CARS2: variants seen among roughly 807,000 people sequenced by gnomAD.
CARS2 encodes cysteinyl-tRNA synthetase 2, mitochondrial.
Under a neutral mutation model 68.8 loss-of-function variants are expected in CARS2, and 52 were observed. The ratio of observed to expected loss-of-function variants is 0.76; its 90% CI spans 0.61 to 0.95. CARS2 has a LOEUF of 0.95. Ranked by LOEUF, CARS2 falls within the 40% of genes least tolerant of loss-of-function variation. CARS2 has a pLI of 0.00. For missense variants in CARS2, 780 were observed against 754.2 expected (o/e 1.03, Z -0.40); for synonymous variants, 314 against 303.6 (o/e 1.03, Z -0.36).
In CARS2 at chr13:110,667,731, C is replaced by G. The variant is rs9521885; in HGVS notation, c.786-258G>C. Among the ~76,000 whole-genome samples the G allele has an allele frequency of 0.55, 83,324 of 152,044 alleles. 23,657 individuals carry two copies. Among genetic ancestry groups the G allele is most frequent in the Non-Finnish European group, 0.64 (43,842 of 67,994 alleles). The stretch of plus-strand genomic sequence containing the variant: ...AGGTTCTTTTTTTCTCTTTTTCTTT[C>G]TTTCTTTTTCAACTCAAAAAATTAC... On this transcript the variant is annotated intron_variant, in intron 7 of 14. Coordinates refer to ENST00000257347, the MANE Select transcript of CARS2 (RefSeq NM_024537.4).
chr13:110,698,051 G>A (rs987430763), intron 3 of CARS2: 18 of 437,818 alleles, frequency 4.1e-5, no homozygotes, highest in Non-Finnish European at 7.2e-5. Flanking sequence ...GCCCAAAGGC[G>A]GCCTCTGACT....
At chr13:110,646,663 G>A (rs1166369208) in intron 11 of CARS2, 1 of 168,684 alleles carries the variant, frequency 5.9e-6, no homozygotes, top group African/African-American at 2.4e-5. Context: ...GCTCCTCACA[G>A]TCAGGACTGG....
rs572230212 is a variant in CARS2, at chr13:110,676,085, C to T, written c.785+889G>A. The stretch of plus-strand genomic sequence containing the variant: ...AGGAGAATCGCTTGAACCTGGGAGG[C>T]GGAGGTTGCGGTGAGCCGAGATCGC... On this transcript the variant is annotated intron_variant, in intron 7 of 14. Coordinates refer to ENST00000257347, the MANE Select transcript of CARS2 (RefSeq NM_024537.4). This position sits in a 1 kb window ranked among gnomAD's most constrained non-coding sequence, Gnocchi z 4.0. Among the ~76,000 whole-genome samples the T allele has an allele frequency of 5.9e-5, 9 of 152,262 alleles. No homozygotes were observed. Among genetic ancestry groups the T allele is most frequent in the East Asian group, 1.9e-4 (1 of 5,186 alleles).
intron 7 of CARS2, among the ~76,000 whole-genome samples, chr13:110,674,224 T>C (rs4771706): frequency 0.13 from 20,516 of 152,102 alleles, 1,861 homozygotes; most frequent in Admixed American, 0.27. Flanking sequence ...AAAGTTCATA[T>C]GGTTTAAAGT....
chr13:110,656,176 G>A (rs531466380), intron 9 of CARS2, among the ~76,000 whole-genome samples: 1 of 152,102 alleles, frequency 6.6e-6, no homozygotes, highest in Admixed American at 6.5e-5. Flanking sequence ...GGTGGTGTAG[G>A]CCTGTAATCC....
intron 3 of CARS2, among the ~76,000 whole-genome samples, chr13:110,690,890 T>C (rs2063440416): frequency 6.6e-6 from 1 of 152,246 alleles, no homozygotes; most frequent in South Asian, 2.1e-4. Flanking sequence ...AGCTTTTACC[T>C]CTTTTGAGTA....
At chr13:110,642,770 T>C (rs1475068428) in intron 13 of CARS2, 2 of 731,356 alleles carry the variant, frequency 2.7e-6, no homozygotes, top group Non-Finnish European at 5.0e-6. Flanking sequence ...ACTCGGGAGT[T>C]GGAAGAAAGG....
upstream of CARS2, among the ~76,000 whole-genome samples, chr13:110,709,486 G>A (rs2064009687): frequency 3.9e-5 from 6 of 152,028 alleles, no homozygotes; most frequent in Admixed American, 3.9e-4. Context: ...TGATCTTTTT[G>A]CATATTGAAT....
chr13:110,642,268 C>A, intron 14 of CARS2, 47 bp downstream of exon 14: 1 of 1,466,412 alleles, frequency 6.8e-7, no homozygotes, highest in South Asian at 1.2e-5. Context: ...TCCTGTTGAC[C>A]TACCCGGCTC....
chr13:110,713,170 T>G (rs2064057121), exon 1 of CARS2: 1 of 1,427,926 alleles, frequency 7.0e-7, no homozygotes, highest in Admixed American at 2.9e-5. Flanking sequence ...GTGATTGGGC[T>G]GTCAAAGTGA....
intron 9 of CARS2, 104 bp downstream of exon 9, chr13:110,663,347 G>C: frequency 8.8e-7 from 1 of 1,140,062 alleles, no homozygotes; most frequent in South Asian, 1.6e-5. Context: ...GGGCCAGAGG[G>C]CACTGGGAAT....
In CARS2 at chr13:110,646,093, G is replaced by A. The variant is rs372760421; in HGVS notation, c.1194-3C>T. ...CGGCCCTCTTGGTGCTGGAGAGCCTGAGGGAAGAGGAGAGAACAGTCACAG... is the reference window on the plus strand; with the variant it reads ...CGGCCCTCTTGGTGCTGGAGAGCCTAAGGGAAGAGGAGAGAACAGTCACAG... On this transcript the variant is annotated splice_polypyrimidine_tract_variant and splice_region_variant and intron_variant, in intron 11 of 14. Transcript: ENST00000257347. The A allele has an allele frequency of 3.6e-5, 58 of 1,612,370 alleles. No individual in the cohort carries two copies. The highest frequency in any genetic ancestry group is 4.3e-5 in the Non-Finnish European group (51 of 1,179,494).
At position 110,693,702 on chromosome 13, in the gene CARS2, C is replaced by T. The variant is rs1234425023; in HGVS notation, c.394-5684G>A. On this transcript the variant is annotated intron_variant, in intron 3 of 14. Coordinates refer to ENST00000257347, the MANE Select transcript of CARS2 (RefSeq NM_024537.4). Reference sequence around the variant, plus strand: ...AGTCAAACTGCTTGCTACATTTAACCTGAAACATATGATCATTCCTCATAC... The same window carrying T: ...AGTCAAACTGCTTGCTACATTTAACTTGAAACATATGATCATTCCTCATAC... 2.6e-5 allele frequency among the ~76,000 whole-genome samples: 4 copies of T among 152,014 alleles called. No homozygotes were observed. In the East Asian group the frequency reaches 7.7e-4, roughly 29 times the overall value.
intron 7 of CARS2, among the ~76,000 whole-genome samples, chr13:110,671,628 C>T (rs575797358): frequency 1.6e-4 from 24 of 152,282 alleles, no homozygotes; most frequent in Non-Finnish European, 2.5e-4. Flanking sequence ...TTGTAAAGAC[C>T]GTCAAGGCTA....
In CARS2 at chr13:110,705,224, C is replaced by T. The variant is rs2063905309; in HGVS notation, c.275+297G>A. Among the ~76,000 whole-genome samples the T allele has an allele frequency of 1.3e-5, 2 of 152,094 alleles. No individual in the cohort carries two copies. Among genetic ancestry groups the T allele is most frequent in the South Asian group, 2.1e-4 (1 of 4,826 alleles). On this transcript the variant is annotated intron_variant, in intron 2 of 14. Coordinates refer to ENST00000257347, the MANE Select transcript of CARS2 (RefSeq NM_024537.4). This position sits in a 1 kb window ranked among gnomAD's most constrained non-coding sequence, Gnocchi z 4.0. ...CAGGAATGACTGATCAGCAGGACCC[C>T]GGGACCCCGCAAAGGCCTCTTGATG... is the stretch of plus-strand genomic sequence containing the variant.
At chr13:110,692,411 C>T (rs916150832) in intron 3 of CARS2, among the ~76,000 whole-genome samples, 5 of 151,272 alleles carry the variant, frequency 3.3e-5, no homozygotes, top group East Asian at 1.9e-4. Flanking sequence ...GCGGAGGTTG[C>T]GGTGAGCTGA....
At chr13:110,664,896 A>G in intron 8 of CARS2, 1 of 653,642 alleles carries the variant, frequency 1.5e-6, no homozygotes, top group Non-Finnish European at 1.9e-6. Context: ...CAGTGCGCTG[A>G]CGCAGGACTC....
At position 110,705,724 on chromosome 13, in the gene CARS2, G is replaced by C. The variant is rs565249603; in HGVS notation, c.224+146C>G. On this transcript the variant is annotated intron_variant, in intron 1 of 14. Transcript: ENST00000257347. This position sits in a 1 kb window ranked among gnomAD's most constrained non-coding sequence, Gnocchi z 4.0. ...ACTTGCTCAATTCACACCCAAACCT[G>C]CAAAAGCACCGCGCACCCCCAGCTT... is the stretch of plus-strand genomic sequence containing the variant. 1 of 1,532,406 alleles carries C rather than the reference G, an allele frequency of 6.5e-7. No individual in the cohort carries two copies. The highest frequency in any genetic ancestry group is 1.2e-5 in the South Asian group (1 of 83,576). 94.9% of individuals were successfully genotyped at this position (1,532,406 alleles called of 1,614,324 possible). A position where few individuals can be genotyped will look rare whatever the true frequency, so the allele number is the denominator to read the frequency against.
chr13:110,702,787 G>A (rs2063826931), intron 2 of CARS2, among the ~76,000 whole-genome samples: 1 of 152,166 alleles, frequency 6.6e-6, no homozygotes, highest in Non-Finnish European at 1.5e-5. Flanking sequence ...CCTTGCAAGT[G>A]CCGGGCAGCC....
Sources: gnomAD v4.1 joint callset for allele counts (sites outside exome capture counted in the v4.1 genomes callset) on GRCh38, gnomAD v4.1.1 for gene constraint, Gnocchi (gnomAD v3.1) non-coding constraint, MANE v1.5 for transcripts, NCBI Gene and HGNC (gene_info 2026-07-23, HGNC 2026-07-21) for gene names.